FAM107B: variants seen among roughly 807,000 people sequenced by gnomAD.
FAM107B encodes family with sequence similarity 107 member B.
FAM107B carries 21 observed loss-of-function variants against 31.5 expected under a neutral mutation model. The observed-to-expected ratio is 0.67, with a 90% confidence interval of 0.47 to 0.96. The LOEUF (loss-of-function observed/expected upper bound fraction) is 0.96, where lower values mean the gene tolerates loss of function less well. Among genes scored for constraint, FAM107B ranks in the 40% least tolerant of loss-of-function variants. The pLI is 0.00. For synonymous variants in FAM107B, 157 were observed against 141.5 expected (o/e 1.11, Z -0.78); for missense variants, 452 against 377.1 (o/e 1.20, Z -1.64).
At chr10:14,733,503 G>A (rs1307408034) in intron 1 of FAM107B, among the ~76,000 whole-genome samples, 1 of 152,182 alleles carries the variant, frequency 6.6e-6, no homozygotes, top group Non-Finnish European at 1.5e-5. Flanking sequence ...GAAGGGTAGA[G>A]TGACACCAGT....
At chr10:14,584,692 G>A (rs1237890672) in intron 2 of FAM107B, among the ~76,000 whole-genome samples, 7 of 152,206 alleles carry the variant, frequency 4.6e-5, no homozygotes, top group Admixed American at 3.3e-4. Context: ...ACCTAAGGCC[G>A]ATTCACACTG....
intron 1 of FAM107B, among the ~76,000 whole-genome samples, chr10:14,682,527 T>A (rs1854862284): frequency 6.6e-6 from 1 of 151,836 alleles, no homozygotes; most frequent in South Asian, 2.1e-4. Context: ...AGACTCCATC[T>A]CAAAAATAAA....
Position 14,594,923 on chromosome 10 carries a change from G to T in FAM107B, c.470-64408C>A, listed in dbSNP as rs550854000. Among the ~76,000 whole-genome samples, 4 of 152,266 alleles carry T rather than the reference G, an allele frequency of 2.6e-5. No homozygotes were observed. The South Asian group carries it at 8.3e-4, about 32-fold the overall frequency. ...GCACAGGGTATCTCTTATGATAGAT[G>T]ACAAACTCTAAGAAGGTTCCTTAAA... On this transcript the variant is annotated intron_variant, in intron 2 of 4. Coordinates refer to ENST00000181796, the MANE Select transcript of FAM107B (RefSeq NM_031453.4).
chr10:14,695,419 A>G lies in FAM107B; in HGVS notation c.412-27728T>C, dbSNP rs188546980. Among the ~76,000 whole-genome samples the G allele has an allele frequency of 4.6e-5, 7 of 152,318 alleles. No homozygotes were observed. In the East Asian group the frequency reaches 5.8e-4, roughly 13 times the overall value. On this transcript the variant is annotated intron_variant, in intron 1 of 4. Coordinates refer to ENST00000181796, the MANE Select transcript of FAM107B (RefSeq NM_031453.4). ...ACATAGCTTTATAATACAATTTCAT[A>G]TCAGGAAGTGTTATGCCTCCAGTTC... is the stretch of plus-strand genomic sequence containing the variant.
rs1855975566 is a variant in FAM107B at position 14,724,108 on chromosome 10, A to G, written c.411+50145T>C. The G allele has an allele frequency of 1.5e-5, 9 of 586,076 alleles. No homozygotes were observed. In the South Asian group the frequency reaches 1.6e-4, roughly 11 times the overall value. 36.3% of individuals were successfully genotyped at this position (586,076 alleles called of 1,614,324 possible). ...GGGAATCCAGAACAATGCCAAATGG[A>G]CTCCTCTGTGGGTAGCGCGGAAAGG... On this transcript the variant is annotated intron_variant, in intron 1 of 4. Transcript: ENST00000181796.
chr10:14,716,840 A>T (rs1350139328), intron 1 of FAM107B, among the ~76,000 whole-genome samples: 5 of 152,204 alleles, frequency 3.3e-5, no homozygotes, highest in African/African-American at 1.2e-4. Flanking sequence ...CTGTAATCCC[A>T]GAACTTTGGG....
intron 1 of FAM107B, among the ~76,000 whole-genome samples, chr10:14,683,236 G>C (rs1429986620): frequency 2.0e-5 from 3 of 152,156 alleles, no homozygotes; most frequent in Non-Finnish European, 4.4e-5. Context: ...CTAATCTACA[G>C]TGGAAAGAAA....
chr10:14,578,943 C>T (rs897709222), intron 2 of FAM107B, among the ~76,000 whole-genome samples: 2 of 152,074 alleles, frequency 1.3e-5, no homozygotes, highest in East Asian at 1.9e-4. Flanking sequence ...TTCGTTCAAA[C>T]GCAAGCTAAA....
At chr10:14,723,305 C>A in intron 1 of FAM107B, 1 of 540,798 alleles carries the variant, frequency 1.8e-6, no homozygotes, top group Non-Finnish European at 3.6e-6. Flanking sequence ...TATCTGCACA[C>A]CTTCAGACCA....
chr10:14,677,498 G>GT, intron 1 of FAM107B, among the ~76,000 whole-genome samples: 1 of 152,240 alleles, frequency 6.6e-6, no homozygotes, highest in Non-Finnish European at 1.5e-5. Flanking sequence ...GTGGGCGCCT[G>GT]TAGTCCCAGC....
intron 2 of FAM107B, among the ~76,000 whole-genome samples, chr10:14,611,932 C>T (rs1165711112): frequency 2.0e-5 from 3 of 152,100 alleles, no homozygotes; most frequent in South Asian, 4.1e-4. Flanking sequence ...ACATATAAAA[C>T]ATTTATATGT....
intron 1 of FAM107B, among the ~76,000 whole-genome samples, chr10:14,709,540 C>A (rs1456217081): frequency 6.6e-6 from 1 of 152,148 alleles, no homozygotes; most frequent in African/African-American, 2.4e-5. Context: ...GAAAGACCTG[C>A]CCCCATGATT....
intron 1 of FAM107B, among the ~76,000 whole-genome samples, chr10:14,683,807 A>C (rs752813670): frequency 4.6e-5 from 7 of 152,188 alleles, no homozygotes; most frequent in Non-Finnish European, 7.3e-5. Context: ...TTTTAAGAAA[A>C]ATGTTTCTCC....
At chr10:14,737,058 G>A (rs1856316070) in intron 1 of FAM107B, among the ~76,000 whole-genome samples, 1 of 152,166 alleles carries the variant, frequency 6.6e-6, no homozygotes, top group Non-Finnish European at 1.5e-5. Flanking sequence ...AAAAGGGAAG[G>A]AGAAATGAAG....
intron 2 of FAM107B, among the ~76,000 whole-genome samples, chr10:14,631,683 G>T (rs1035050697): frequency 3.9e-5 from 6 of 152,056 alleles, no homozygotes; most frequent in Non-Finnish European, 7.4e-5. Context: ...CTAACCTCCT[G>T]GGTCCCCACC....
At chr10:14,701,223 T>C (rs1241792371) in intron 1 of FAM107B, among the ~76,000 whole-genome samples, 1 of 152,038 alleles carries the variant, frequency 6.6e-6, no homozygotes, top group Non-Finnish European at 1.5e-5. Context: ...CTTCATTTTA[T>C]TATTTATTTC....
intron 2 of FAM107B, among the ~76,000 whole-genome samples, chr10:14,558,446 CT>C (rs1476680290): frequency 1.1e-4 from 17 of 152,330 alleles, no homozygotes; most frequent in African/African-American, 4.1e-4. Context: ...AAATGCATAA[CT>C]TTTAAAAGGT....
intron 2 of FAM107B, among the ~76,000 whole-genome samples, chr10:14,568,013 G>A (rs547783101): frequency 3.2e-4 from 48 of 152,300 alleles, no homozygotes; most frequent in African/African-American, 1.1e-3. Context: ...TGGAGTCCCC[G>A]GTGAGCTTTG....
At chr10:14,731,737 C>A (rs1237914344) in intron 1 of FAM107B, among the ~76,000 whole-genome samples, 1 of 152,080 alleles carries the variant, frequency 6.6e-6, no homozygotes, top group Admixed American at 6.6e-5. Context: ...TTTAGATACA[C>A]AAATGTCATT....
Sources: gnomAD v4.1 joint callset for allele counts (sites outside exome capture counted in the v4.1 genomes callset) on GRCh38, gnomAD v4.1.1 for gene constraint, MANE v1.5 for transcripts, NCBI Gene and HGNC (gene_info 2026-07-23, HGNC 2026-07-21) for gene names.